Variants in KCNN2 observed in about 807,000 individuals in gnomAD.
KCNN2 encodes the protein small conductance calcium-activated potassium channel protein 2.
KCNN2 carries 24 observed loss-of-function variants against 55.5 expected under a neutral mutation model. The ratio of observed to expected loss-of-function variants is 0.43; its 90% CI spans 0.31 to 0.61. The LOEUF (loss-of-function observed/expected upper bound fraction) is 0.61. Ranked by LOEUF, KCNN2 falls within the 20% of genes least tolerant of loss-of-function variation. KCNN2 has a pLI of 0.08. For synonymous variants in KCNN2, 431 were observed against 336.1 expected, an observed-to-expected ratio of 1.28 and a Z score of -3.09; for missense variants, 754 against 853.6, an observed-to-expected ratio of 0.88 and a Z score of 1.45.
intron 2 of KCNN2, among the ~76,000 whole-genome samples, chr5:114,224,901 T>C (rs1431096348): frequency 6.6e-6 from 1 of 152,202 alleles, no homozygotes; most frequent in Non-Finnish European, 1.5e-5. Context: ...GTTTTTTGCT[T>C]GTTCAATTGT....
At chr5:114,391,006 T>C (rs923202784) in intron 2 of KCNN2, among the ~76,000 whole-genome samples, 1 of 152,148 alleles carries the variant, frequency 6.6e-6, no homozygotes, top group African/African-American at 2.4e-5. Context: ...TAACTATCAC[T>C]GCATCCTGGT....
chr5:114,152,919 A>G (rs558153587), intron 1 of KCNN2, among the ~76,000 whole-genome samples: 1 of 152,324 alleles, frequency 6.6e-6, no homozygotes, highest in South Asian at 2.1e-4. Flanking sequence ...GGCAAAAAGC[A>G]TGAGAAGCCT....
At chr5:114,427,966 T>C (rs963571611) in intron 3 of KCNN2, among the ~76,000 whole-genome samples, 3 of 152,182 alleles carry the variant, frequency 2.0e-5, no homozygotes, top group Non-Finnish European at 4.4e-5. Context: ...CACATCATAA[T>C]GGGCATTTGC....
intron 2 of KCNN2, among the ~76,000 whole-genome samples, chr5:114,273,369 G>C (rs770681385): frequency 6.6e-6 from 1 of 151,786 alleles, no homozygotes; most frequent in Non-Finnish European, 1.5e-5. Flanking sequence ...TAGAATCTTT[G>C]GGTATATGCC....
chr5:114,415,921 A>G (rs370808360), intron 3 of KCNN2, among the ~76,000 whole-genome samples: 1 of 152,286 alleles, frequency 6.6e-6, no homozygotes, highest in East Asian at 1.9e-4. Context: ...AAAGCCATGC[A>G]GGAAAAAAGC....
chr5:114,246,126 A>AT lies in KCNN2; in HGVS notation c.-185+24565dup, dbSNP rs1436550928. 6.6e-5 allele frequency among the ~76,000 whole-genome samples: 10 copies of AT among 151,958 alleles called. No individual in the cohort carries two copies. In the East Asian group the frequency reaches 1.9e-3, roughly 29 times the overall value. Reference sequence around the variant, plus strand: ...TGAATTGTCCCTGAGTTTATTTCCTATTTTCGTGAATGTAATTTTCTCTAT... The same window carrying AT: ...TGAATTGTCCCTGAGTTTATTTCCTATTTTTCGTGAATGTAATTTTCTCTAT... On this transcript the variant is annotated intron_variant, in intron 2 of 10. Transcript: ENST00000512097.
At chr5:114,418,897 A>G (rs1395422416) in intron 3 of KCNN2, among the ~76,000 whole-genome samples, 2 of 152,260 alleles carry the variant, frequency 1.3e-5, no homozygotes, top group South Asian at 2.1e-4. Flanking sequence ...GCCTCTGGGG[A>G]AAAAAAGGAT....
chr5:114,379,266 C>T (rs1249534940), intron 2 of KCNN2, among the ~76,000 whole-genome samples: 1 of 151,948 alleles, frequency 6.6e-6, no homozygotes, highest in Non-Finnish European at 1.5e-5. Flanking sequence ...TGCAAGAGTC[C>T]TCAGGAAACT....
At chr5:114,385,958 C>T (rs534994113) in intron 2 of KCNN2, among the ~76,000 whole-genome samples, 34 of 151,084 alleles carry the variant, frequency 2.3e-4, no homozygotes, top group Admixed American at 1.2e-3. Context: ...GCGGGCGGAT[C>T]GTGAGGTCAG....
chr5:114,280,441 A>G (rs935532792), intron 2 of KCNN2, among the ~76,000 whole-genome samples: 1 of 152,154 alleles, frequency 6.6e-6, no homozygotes, highest in Non-Finnish European at 1.5e-5. Flanking sequence ...TAGGTCTAAT[A>G]TTTAAGTCTT....
intron 3 of KCNN2, 76 bp downstream of exon 3, chr5:114,404,932 C>T (rs1000597587): frequency 1.5e-6 from 2 of 1,324,634 alleles, no homozygotes; most frequent in African/African-American, 1.5e-5. Flanking sequence ...AAATTTTAGA[C>T]TTGAGACGTG....
At chr5:114,395,317 C>T (rs562548755) in intron 2 of KCNN2, among the ~76,000 whole-genome samples, 9 of 152,238 alleles carry the variant, frequency 5.9e-5, no homozygotes, top group East Asian at 1.9e-4. Flanking sequence ...ACAAAACAGT[C>T]GCACTGGAAA....
At chr5:114,248,913 T>G (rs1189885105) in intron 2 of KCNN2, among the ~76,000 whole-genome samples, 2 of 152,180 alleles carry the variant, frequency 1.3e-5, no homozygotes, top group Non-Finnish European at 2.9e-5. Context: ...CTGGAACTCT[T>G]GAGGGTGTGA....
chr5:114,061,473 A>G (rs1161722559), intron 1 of KCNN2, among the ~76,000 whole-genome samples: 1 of 152,160 alleles, frequency 6.6e-6, no homozygotes, highest in East Asian at 1.9e-4. Context: ...GACTCCATTG[A>G]GCAGATGCCT....
chr5:114,404,437 G>T lies in KCNN2; in HGVS notation c.1219-1G>T. The T allele has an allele frequency of 6.2e-7, 1 of 1,606,926 alleles. No homozygotes were observed. The highest frequency in any genetic ancestry group is 1.3e-5 in the African/African-American group (1 of 74,746). On this transcript the variant is annotated splice_acceptor_variant, in intron 2 of 7. Coordinates refer to ENST00000673685, the MANE Select transcript of KCNN2 (RefSeq NM_021614.4). LOFTEE classifies it high-confidence loss of function. ...GCTGATTTTCTACTTTATTTTTTCA[G>T]TTGTTCATGGTGGACAATGGAGCAG...
intron 2 of KCNN2, among the ~76,000 whole-genome samples, chr5:114,242,210 A>G (rs532520643): frequency 6.6e-6 from 1 of 152,190 alleles, no homozygotes; most frequent in South Asian, 2.1e-4. Flanking sequence ...GCTGCTCTCT[A>G]TGCAAACATC....
At chr5:114,155,290 G>C (rs1175246413) in intron 1 of KCNN2, among the ~76,000 whole-genome samples, 1 of 152,198 alleles carries the variant, frequency 6.6e-6, no homozygotes, top group African/African-American at 2.4e-5. Flanking sequence ...GTCTGTGATT[G>C]ATGGGCATTT....
intron 1 of KCNN2, among the ~76,000 whole-genome samples, chr5:114,140,125 T>C (rs1365566673): frequency 2.0e-5 from 3 of 152,194 alleles, no homozygotes; most frequent in African/African-American, 7.2e-5. Context: ...AATAAAAATA[T>C]TTTAAAAGTT....
chr5:114,385,525 A>T (rs866251284), intron 2 of KCNN2, among the ~76,000 whole-genome samples: 1 of 146,338 alleles, frequency 6.8e-6, no homozygotes, highest in African/African-American at 2.5e-5. Context: ...GCGCGCACAC[A>T]CACACACACA....
Sources: allele counts gnomAD v4.1 joint callset (sites outside exome capture counted in the v4.1 genomes callset), GRCh38; gene constraint gnomAD v4.1.1; transcripts MANE v1.5; gene names NCBI Gene and HGNC (gene_info 2026-07-23, HGNC 2026-07-21).